CSRNP3: variants seen among roughly 807,000 people sequenced by gnomAD.
CSRNP3 encodes the protein cysteine/serine-rich nuclear protein 3.
In CSRNP3, 12 loss-of-function variants were observed where a neutral mutation model predicts 48.0. The ratio of observed to expected loss-of-function variants is 0.25; its 90% CI spans 0.16 to 0.41. CSRNP3 has a LOEUF of 0.41. Among genes scored for constraint, CSRNP3 ranks in the 10% least tolerant of loss-of-function variants. CSRNP3 has a pLI of 1.00. For synonymous variants in CSRNP3, 263 were observed against 269.7 expected, an observed-to-expected ratio of 0.98 and a Z score of 0.24; for missense variants, 580 against 724.4, an observed-to-expected ratio of 0.80 and a Z score of 2.29.
In CSRNP3 at chr2:165,676,077, GT is replaced by G. The variant is rs1225342975; in HGVS notation, c.409-232del. Among the ~76,000 whole-genome samples the G allele has an allele frequency of 5.3e-5, 8 of 152,290 alleles. No homozygotes were observed. The South Asian group carries it at 1.0e-3, about 20-fold the overall frequency. ...ACAACTGTAGCTCCTAACATTAGGAGTTTATGAGTTCCAATTAACAGTCTTC... is the reference window on the plus strand; with the variant it reads ...ACAACTGTAGCTCCTAACATTAGGAGTTATGAGTTCCAATTAACAGTCTTC... On this transcript the variant is annotated intron_variant, in intron 5 of 6. Coordinates refer to ENST00000651982, the MANE Select transcript of CSRNP3 (RefSeq NM_001172173.2).
At chr2:165,502,539 AGGT>A (rs1170295847) in intron 2 of CSRNP3, among the ~76,000 whole-genome samples, 6 of 152,070 alleles carry the variant, frequency 3.9e-5, no homozygotes. Flanking sequence ...AAATCTCTAA[AGGT>A]GGAAATCATA....
chr2:165,524,012 T>G (rs911263451), intron 3 of CSRNP3, among the ~76,000 whole-genome samples: 10 of 152,182 alleles, frequency 6.6e-5, no homozygotes, highest in African/African-American at 2.4e-4. Flanking sequence ...ATGCGAAATG[T>G]CTATGGGGTG....
At chr2:165,648,952 G>A (rs1416321129) in intron 4 of CSRNP3, among the ~76,000 whole-genome samples, 1 of 152,138 alleles carries the variant, frequency 6.6e-6, no homozygotes, top group East Asian at 1.9e-4. Flanking sequence ...CTTACAGAGA[G>A]CTGAACAGCC....
In CSRNP3 at chr2:165,681,907, C is replaced by A. The variant is rs1687554700; in HGVS notation, c.*2154C>A. 2 of 150,508 alleles carry A rather than the reference C, an allele frequency of 1.3e-5. No homozygotes were observed. Among genetic ancestry groups the A allele is most frequent in the Admixed American group, 1.3e-4 (2 of 15,034 alleles). The allele number at this position is 150,508 out of a possible 1,614,324, so 9.3% of individuals were successfully genotyped here. On this transcript the variant is annotated 3_prime_UTR_variant, in exon 7 of 7. Transcript: ENST00000651982. Reference sequence around the variant, plus strand: ...CTCCAAAATTTTCCCCCTACTGATACAATCTAAAGAGCACAGGCCCAAAGA... The same window carrying A: ...CTCCAAAATTTTCCCCCTACTGATAAAATCTAAAGAGCACAGGCCCAAAGA...
At chr2:165,621,840 T>C (rs773086802) in intron 4 of CSRNP3, among the ~76,000 whole-genome samples, 5 of 152,204 alleles carry the variant, frequency 3.3e-5, no homozygotes, top group South Asian at 2.1e-4. Flanking sequence ...TTACCTCTTA[T>C]TATTTTGATT....
intron 2 of CSRNP3, among the ~76,000 whole-genome samples, chr2:165,497,584 G>A (rs1356133501): frequency 6.6e-6 from 1 of 152,056 alleles, no homozygotes; most frequent in Admixed American, 6.6e-5. Context: ...TAAGAAGATC[G>A]AATGCTGTCT....
At chr2:165,588,632 C>T (rs1314056180) in intron 3 of CSRNP3, among the ~76,000 whole-genome samples, 2 of 152,134 alleles carry the variant, frequency 1.3e-5, no homozygotes, top group African/African-American at 4.8e-5. Flanking sequence ...CCAACTTTAC[C>T]TCTGTTCTTT....
chr2:165,633,445 A>G (rs1427796722), intron 4 of CSRNP3, among the ~76,000 whole-genome samples: 3 of 152,208 alleles, frequency 2.0e-5, no homozygotes, highest in Non-Finnish European at 4.4e-5. Flanking sequence ...GAAAATATTT[A>G]GGTATGTTTT....
At chr2:165,625,180 A>G (rs1686408789) in intron 4 of CSRNP3, among the ~76,000 whole-genome samples, 1 of 152,204 alleles carries the variant, frequency 6.6e-6, no homozygotes, top group Non-Finnish European at 1.5e-5. Flanking sequence ...TCATTCAGTA[A>G]GTATTTACTG....
In CSRNP3 at chr2:165,537,897, C is replaced by T. The variant is rs139164573; in HGVS notation, c.-24+19936C>T. Among the ~76,000 whole-genome samples, 282 of 152,006 alleles carry T rather than the reference C, an allele frequency of 1.9e-3. 3 individuals carry two copies. The highest frequency in any genetic ancestry group is 6.5e-3 in the African/African-American group (269 of 41,526). On this transcript the variant is annotated intron_variant, in intron 3 of 6. Coordinates refer to ENST00000651982, the MANE Select transcript of CSRNP3 (RefSeq NM_001172173.2). ...TGTTCAATTCAGAAACATTTATTGTCTACCATGTGCACAGGCACTGAGAAT... is the reference window on the plus strand; with the variant it reads ...TGTTCAATTCAGAAACATTTATTGTTTACCATGTGCACAGGCACTGAGAAT...
rs561234919 is a variant in CSRNP3 at position 165,544,918 on chromosome 2, T to G, written c.-24+26957T>G. On this transcript the variant is annotated intron_variant, in intron 3 of 6. Coordinates refer to ENST00000651982, the MANE Select transcript of CSRNP3 (RefSeq NM_001172173.2). ...GAATTGAGACTTAACCCTCTACAATTTAACGAAAAGGTTAGGAAGAAAAGG... is the reference window on the plus strand; with the variant it reads ...GAATTGAGACTTAACCCTCTACAATGTAACGAAAAGGTTAGGAAGAAAAGG... Among the ~76,000 whole-genome samples the G allele has an allele frequency of 6.6e-5, 10 of 152,180 alleles. No homozygotes were observed. In the South Asian group the frequency reaches 2.1e-3, roughly 32 times the overall value.
chr2:165,526,056 A>G (rs1684728867), intron 3 of CSRNP3, among the ~76,000 whole-genome samples: 2 of 152,200 alleles, frequency 1.3e-5, no homozygotes, highest in Non-Finnish European at 2.9e-5. Flanking sequence ...ACATTTGTGC[A>G]GGTATATTTC....
At chr2:165,536,065 T>G (rs1416626336) in intron 3 of CSRNP3, among the ~76,000 whole-genome samples, 1 of 151,870 alleles carries the variant, frequency 6.6e-6, no homozygotes, top group Non-Finnish European at 1.5e-5. Flanking sequence ...ACTAGAGATA[T>G]GAAGGACAGT....
chr2:165,655,982 T>A (rs1686998257), intron 4 of CSRNP3, among the ~76,000 whole-genome samples: 1 of 152,166 alleles, frequency 6.6e-6, no homozygotes, highest in African/African-American at 2.4e-5. Context: ...GGATTAGGAC[T>A]TTAGCATATT....
At chr2:165,649,618 C>T (rs774545016) in intron 4 of CSRNP3, among the ~76,000 whole-genome samples, 1 of 152,278 alleles carries the variant, frequency 6.6e-6, no homozygotes, top group Non-Finnish European at 1.5e-5. Context: ...TTTAATAGCA[C>T]TTAGAGCTAT....
intron 3 of CSRNP3, among the ~76,000 whole-genome samples, chr2:165,546,594 C>T (rs899546301): frequency 2.6e-5 from 4 of 152,190 alleles, no homozygotes; most frequent in Non-Finnish European, 4.4e-5. Context: ...TTCTTCACCA[C>T]ATAAATTCAG....
chr2:165,537,889 T>C (rs947782672), intron 3 of CSRNP3, among the ~76,000 whole-genome samples: 3 of 151,974 alleles, frequency 2.0e-5, no homozygotes, highest in African/African-American at 7.2e-5. Context: ...TTCAGAAACA[T>C]TTATTGTCTA....
In CSRNP3 at chr2:165,500,443, G is replaced by GTATATA. The variant is rs34901472; in HGVS notation, c.-113+5531_-113+5536dup. 4.6e-3 allele frequency among the ~76,000 whole-genome samples: 661 copies of GTATATA among 142,838 alleles called. 5 individuals carry two copies. Among genetic ancestry groups the GTATATA allele is most frequent in the African/African-American group, 0.015 (596 of 38,782 alleles). The allele number at this position is 142,838 out of a possible 152,430, so 93.7% of individuals were successfully genotyped here. On this transcript the variant is annotated intron_variant, in intron 2 of 6. Coordinates refer to ENST00000651982, the MANE Select transcript of CSRNP3 (RefSeq NM_001172173.2). ...TATACACACACACACACACACACGTGTATATATATATATATATATATTTTG... is the reference window on the plus strand; with the variant it reads ...TATACACACACACACACACACACGTGTATATATATATATATATATATATATATTTTG...
chr2:165,669,689 A>G (rs945001340), intron 5 of CSRNP3, among the ~76,000 whole-genome samples: 1 of 151,978 alleles, frequency 6.6e-6, no homozygotes, highest in Admixed American at 6.6e-5. Flanking sequence ...TCCATCTGTC[A>G]AAAAAAAGTT....
Sources: allele counts gnomAD v4.1 joint callset (sites outside exome capture counted in the v4.1 genomes callset), GRCh38; gene constraint gnomAD v4.1.1; transcripts MANE v1.5; gene names NCBI Gene and HGNC (gene_info 2026-07-23, HGNC 2026-07-21).